LRRC47: variants seen among roughly 807,000 people sequenced by gnomAD.
LRRC47 encodes the protein leucine rich repeat containing 47, also known as leucine-rich repeat-containing protein 47.
Under a neutral mutation model 40.9 loss-of-function variants are expected in LRRC47, and 31 were observed. The ratio of observed to expected loss-of-function variants is 0.76; its 90% confidence interval spans 0.57 to 1.02. LRRC47 has a LOEUF of 1.02. LRRC47 is among the 50% of genes least tolerant of loss of function. The probability of loss-of-function intolerance (pLI) is 0.00; values close to 1 mark genes in which losing one functional copy is unlikely to be tolerated. For synonymous variants in LRRC47, 427 were observed against 371.9 expected (o/e 1.15, Z -1.70); for missense variants, 726 against 796.1 (o/e 0.91, Z 1.06).
At chr1:3,782,988 G>C (rs1643535649) in intron 4 of LRRC47, 1 of 570,324 alleles carries the variant, frequency 1.8e-6, no homozygotes, top group African/African-American at 1.9e-5. Flanking sequence ...GCCTAAAGAG[G>C]AGTGAACCAG....
intron 4 of LRRC47, 163 bp downstream of exon 4, chr1:3,783,833 C>T: frequency 1.6e-6 from 1 of 620,310 alleles, no homozygotes; most frequent in East Asian, 2.8e-5. Context: ...ACTGGTTCCA[C>T]AACGTCTCCT....
intron 1 of LRRC47, among the ~76,000 whole-genome samples, chr1:3,788,766 G>A (rs558117702): frequency 1.3e-5 from 2 of 152,162 alleles, no homozygotes; most frequent in African/African-American, 2.4e-5. Flanking sequence ...CCCTCAGGGA[G>A]AACAGAGACC....
intron 1 of LRRC47, 79 bp downstream of exon 1, chr1:3,795,783 T>G (rs1347553624): frequency 1.4e-6 from 2 of 1,415,392 alleles, no homozygotes; most frequent in Non-Finnish European, 1.8e-6. Context: ...CACTAGGAAC[T>G]GCTCGGCCCC....
chr1:3,779,531 C>G lies in LRRC47; in HGVS notation c.*1557G>C, dbSNP rs1044345999. On this transcript the variant is annotated 3_prime_UTR_variant, in exon 7 of 7. Coordinates refer to ENST00000378251, the MANE Select transcript of LRRC47 (RefSeq NM_020710.3). ...CGCACATGTGGTGCCTGGACATACA[C>G]GAAGACACATGGACGTGGGGGTCTG... 6.6e-6 allele frequency: 1 copy of G among 152,210 alleles called. No homozygotes were observed. 9.4% of individuals were successfully genotyped at this position (152,210 alleles called of 1,614,324 possible).
chr1:3,782,709 G>A lies in LRRC47; in HGVS notation c.1365C>T (p.Asp455=), dbSNP rs147938021. Residue 455 remains aspartate, a synonymous_variant, in exon 5 of 7, where the codon GAC becomes GAT. Transcript: ENST00000378251. The part of the protein sequence containing the change: ...NENYPCLVDA[D]GDVISFPPIT... ...TTGGTGGGAAGGAAATCACATCACCGTCTGCATCCACAAGACACGGGTAAT... is the reference window on the plus strand; with the variant it reads ...TTGGTGGGAAGGAAATCACATCACCATCTGCATCCACAAGACACGGGTAAT... 18 of 1,613,004 alleles carry A rather than the reference G, an allele frequency of 1.1e-5. No homozygotes were observed. The highest frequency in any genetic ancestry group is 9.3e-5 in the African/African-American group (7 of 75,024).
In LRRC47 at chr1:3,787,140, G is replaced by A. The variant is rs1643583539; in HGVS notation, c.786C>T (p.Gly262=). Residue 262 remains glycine (G), a synonymous_variant, in exon 2 of 7, where the codon GGC becomes GGT. Transcript: ENST00000378251. ...RSILEYLRVG[G]RGGGKGKGRA... is the part of the protein sequence containing the mutation. ...GGCCCTTGCCCTTCCCGCCACCACG[G>A]CCTCCGACGCGCAGGTACTCCAGGA... The A allele has an allele frequency of 6.2e-7, 1 of 1,613,702 alleles. No individual in the cohort carries two copies. Among genetic ancestry groups the A allele is most frequent in the Non-Finnish European group, 8.5e-7 (1 of 1,180,014 alleles).
Position 3,796,483 on chromosome 1 carries a change from T to C in LRRC47, c.-7A>G. The C allele has an allele frequency of 8.0e-6, 12 of 1,504,324 alleles. No homozygotes were observed. Among genetic ancestry groups the C allele is most frequent in the Admixed American group, 2.1e-5 (1 of 47,892 alleles). The allele number at this position is 1,504,324 out of a possible 1,614,324, so 93.2% of individuals were successfully genotyped here. On this transcript the variant is annotated 5_prime_UTR_variant, in exon 1 of 7. Coordinates refer to ENST00000378251, the MANE Select transcript of LRRC47 (RefSeq NM_020710.3). ...ACACCGCTGCCGCCGCCATGGCGCC[T>C]CAGCTGCTGGCAGGCACCCACCCAC...
intron 3 of LRRC47, 148 bp downstream of exon 3, chr1:3,784,939 G>A: frequency 2.3e-6 from 1 of 443,926 alleles, no homozygotes; most frequent in Non-Finnish European, 4.0e-6. Flanking sequence ...AGGCTGCAGT[G>A]AGCCGAGATT....
intron 4 of LRRC47, 89 bp downstream of exon 4, chr1:3,783,907 G>A (rs547047779): frequency 1.7e-5 from 18 of 1,038,228 alleles, no homozygotes; most frequent in Non-Finnish European, 2.4e-5. Flanking sequence ...AGCATTAGGC[G>A]GTTCCTGAGG....
At chr1:3,783,946 A>G in intron 4 of LRRC47, 50 bp downstream of exon 4, 1 of 1,479,874 alleles carries the variant, frequency 6.8e-7, no homozygotes, top group Non-Finnish European at 9.2e-7. Flanking sequence ...TGAGGCCAGC[A>G]TGCGGCACTC....
rs370324597 is a variant in LRRC47 at position 3,786,876 on chromosome 1, A to G, written c.1050T>C (p.Asn350=). 18 of 1,601,976 alleles carry G rather than the reference A, an allele frequency of 1.1e-5. No individual in the cohort carries two copies. The highest frequency in any genetic ancestry group is 2.3e-5 in the East Asian group (1 of 44,174). The change falls in exon 2 of 7, where the codon AAT becomes AAC. Residue 350 remains asparagine, a synonymous_variant. Transcript: ENST00000378251. ...VVRGMDLQPG[N]ALKRFLTSQT... ...GCGAGGTGAGGAAGCGCTTGAGTGCATTCCCTGGCTGCAGGTCCATGCCTC... is the reference window on the plus strand; with the variant it reads ...GCGAGGTGAGGAAGCGCTTGAGTGCGTTCCCTGGCTGCAGGTCCATGCCTC...
rs745658751 is a variant in LRRC47 at position 3,781,314 on chromosome 1, T to C, written c.1526A>G (p.Tyr509Cys). ...TCCTTCCTCTTTATTTTCTAAAGTGTACTTTTTCATTTCTGCCATTTTCTG... is the reference window on the plus strand; with the variant it reads ...TCCTTCCTCTTTATTTTCTAAAGTGCACTTTTTCATTTCTGCCATTTTCTG... ...LILKMAEMKKYTLENKEEGSL... is the reference protein window; with the variant it reads ...LILKMAEMKKCTLENKEEGSL... Residue 509 changes from tyrosine (Y) to cysteine (C), a missense_variant, in exon 7 of 7, where the codon TAC (tyrosine) becomes TGC (cysteine). Coordinates refer to ENST00000378251, the MANE Select transcript of LRRC47 (RefSeq NM_020710.3). 2.5e-5 allele frequency: 41 copies of C among 1,612,750 alleles called. No homozygotes were observed. In the Admixed American group the frequency reaches 4.3e-4, roughly 17 times the overall value.
In LRRC47 at chr1:3,781,595, TCTTAAC is replaced by T; in HGVS notation, c.1414_1419del (p.Val472_Lys473del). ...TCCAAAAACAAATCAGAAGTCGTTT[TCTTAAC>T]CTTAAAAGAAAAAAACATTTCAGAA... On this transcript the variant is annotated inframe_deletion and splice_region_variant, in exon 6 of 7. Transcript: ENST00000378251. 6.2e-7 allele frequency: 1 copy of T among 1,612,980 alleles called. No homozygotes were observed. Among genetic ancestry groups the T allele is most frequent in the Non-Finnish European group, 8.5e-7 (1 of 1,179,298 alleles).
chr1:3,792,845 A>G (rs539759490), intron 1 of LRRC47, among the ~76,000 whole-genome samples: 1 of 152,364 alleles, frequency 6.6e-6, no homozygotes, highest in South Asian at 2.1e-4. Flanking sequence ...GTAAGGCACA[A>G]TGTTAAGATA....
At chr1:3,782,894 C>T in intron 4 of LRRC47, 131 bp from the exon 5 acceptor site, 1 of 661,838 alleles carries the variant, frequency 1.5e-6, no homozygotes. Flanking sequence ...CAGGAGTTGG[C>T]TGGGGTGTGC....
intron 1 of LRRC47, among the ~76,000 whole-genome samples, chr1:3,792,287 T>C (rs1557644186): frequency 1.3e-5 from 2 of 152,104 alleles, no homozygotes; most frequent in African/African-American, 4.8e-5. Flanking sequence ...GGTCTCCTGA[T>C]AGAGAGCCAC....
intron 2 of LRRC47, among the ~76,000 whole-genome samples, chr1:3,785,904 G>A (rs183920312): frequency 7.4e-5 from 11 of 148,044 alleles, no homozygotes; most frequent in Non-Finnish European, 1.2e-4. Context: ...GAGTCTTGCT[G>A]TGTCACCCAG....
In LRRC47 at chr1:3,790,183, C is replaced by T. The variant is rs535439046; in HGVS notation, c.616-2873G>A. 9.1e-4 allele frequency among the ~76,000 whole-genome samples: 138 copies of T among 152,354 alleles called. 1 individual carries two copies. The highest frequency in any genetic ancestry group is 2.9e-3 in the African/African-American group (120 of 41,576). ...CATGGCTTTTGCAGGGGACCTGCTG[C>T]CGGGGAAGGATCCTAACTTCATGGT... On this transcript the variant is annotated intron_variant, in intron 1 of 6. Coordinates refer to ENST00000378251, the MANE Select transcript of LRRC47 (RefSeq NM_020710.3).
intron 1 of LRRC47, among the ~76,000 whole-genome samples, chr1:3,795,567 G>A (rs1355702325): frequency 6.6e-6 from 1 of 152,210 alleles, no homozygotes; most frequent in Non-Finnish European, 1.5e-5. Context: ...GAGAAGCCAG[G>A]TTTGCTAACA....
Sources: allele counts gnomAD v4.1 joint callset (sites outside exome capture counted in the v4.1 genomes callset), GRCh38; gene constraint gnomAD v4.1.1; transcripts MANE v1.5; gene names NCBI Gene and HGNC (gene_info 2026-07-23, HGNC 2026-07-21).